CDC45: variants seen among roughly 807,000 people sequenced by gnomAD.
CDC45 encodes the protein cell division cycle 45.
Under a neutral mutation model 77.8 loss-of-function variants are expected in CDC45, and 54 were observed. That is an observed-to-expected ratio of 0.69 (90% confidence interval 0.56 to 0.87). The LOEUF (loss-of-function observed/expected upper bound fraction) is 0.87, where lower values mean the gene tolerates loss of function less well. CDC45 is among the 40% of genes least tolerant of loss of function. CDC45 has a pLI of 0.00. For missense variants in CDC45, 649 were observed against 721.6 expected, an observed-to-expected ratio of 0.90 and a Z score of 1.15; for synonymous variants, 260 against 272.1, an observed-to-expected ratio of 0.96 and a Z score of 0.44.
chr22:19,488,181 G>A (rs757066752), intron 5 of CDC45, among the ~76,000 whole-genome samples: 1 of 152,204 alleles, frequency 6.6e-6, no homozygotes, highest in Non-Finnish European at 1.5e-5. Context: ...TGTAAAATAA[G>A]GAGAATAACT....
intron 5 of CDC45, among the ~76,000 whole-genome samples, chr22:19,484,725 T>C (rs1399255622): frequency 1.3e-5 from 2 of 152,212 alleles, no homozygotes; most frequent in Non-Finnish European, 2.9e-5. Context: ...GGAAGCCTTT[T>C]TGAGCCATAT....
chr22:19,493,324 T>G (rs1196942690), intron 5 of CDC45, among the ~76,000 whole-genome samples: 1 of 152,110 alleles, frequency 6.6e-6, no homozygotes, highest in Non-Finnish European at 1.5e-5. Flanking sequence ...AACTCTGGCA[T>G]ATATGAACCA....
intron 8 of CDC45, 66 bp from the exon 9 acceptor site, chr22:19,499,035 C>T: frequency 2.6e-6 from 4 of 1,526,358 alleles, no homozygotes; most frequent in South Asian, 2.2e-5. Context: ...CATCTCACTC[C>T]ATCCCCCAGG....
chr22:19,500,622 C>T (rs1176644521), intron 9 of CDC45, among the ~76,000 whole-genome samples: 2 of 152,280 alleles, frequency 1.3e-5, no homozygotes, highest in African/African-American at 4.8e-5. Flanking sequence ...GAGGAGCTGA[C>T]TAAACCAAGA....
intron 9 of CDC45, among the ~76,000 whole-genome samples, chr22:19,499,468 C>T (rs1381872878): frequency 1.3e-5 from 2 of 151,742 alleles, no homozygotes; most frequent in Non-Finnish European, 1.5e-5. Context: ...GTGGCCCTTG[C>T]AGTAGGTGGG....
intron 17 of CDC45, among the ~76,000 whole-genome samples, chr22:19,517,971 G>A (rs1302090170): frequency 6.6e-6 from 1 of 152,230 alleles, no homozygotes; most frequent in Non-Finnish European, 1.5e-5. Flanking sequence ...GATAGACACT[G>A]TCATGGGAGA....
chr22:19,505,220 T>G, intron 9 of CDC45, 142 bp from the exon 10 acceptor site: 1 of 875,248 alleles, frequency 1.1e-6, no homozygotes, highest in Non-Finnish European at 1.8e-6. Context: ...GCAGGCTGCA[T>G]GTCCTTAGTC....
At chr22:19,517,133 C>T (rs1437703581) in intron 17 of CDC45, among the ~76,000 whole-genome samples, 10 of 152,356 alleles carry the variant, frequency 6.6e-5, no homozygotes, top group South Asian at 6.2e-4. Context: ...GGCCTTACAG[C>T]GGCCTTACAG....
At chr22:19,508,741 C>T (rs1239303059) in intron 13 of CDC45, 50 bp downstream of exon 13, 6 of 1,585,578 alleles carry the variant, frequency 3.8e-6, no homozygotes, top group African/African-American at 1.3e-5. Context: ...CTGGTTCTCA[C>T]ACTGCCCAGG....
At chr22:19,513,482 C>T (rs1038180382) in intron 13 of CDC45, among the ~76,000 whole-genome samples, 2 of 152,102 alleles carry the variant, frequency 1.3e-5, no homozygotes, top group African/African-American at 4.8e-5. Flanking sequence ...TTTTTTTCTC[C>T]TCCAAACTCC....
intron 5 of CDC45, among the ~76,000 whole-genome samples, chr22:19,490,541 AT>A (rs1252383243): frequency 1.3e-5 from 2 of 151,140 alleles, no homozygotes; most frequent in African/African-American, 4.9e-5. Context: ...CGCCCAGCTA[AT>A]TTTTTGTATT....
rs13447200 is a variant in CDC45 at position 19,482,442 on chromosome 22, A to C, written c.205-248A>C. Reference sequence around the variant, plus strand: ...CATTAGTTTCTTGAGCCTGTCCACGAGACTTGGGCTTGCTGAGTCTCAGCG... The same window carrying C: ...CATTAGTTTCTTGAGCCTGTCCACGCGACTTGGGCTTGCTGAGTCTCAGCG... On this transcript the variant is annotated intron_variant, in intron 3 of 18. Transcript: ENST00000263201. Among the ~76,000 whole-genome samples, 664 of 152,354 alleles carry C rather than the reference A, an allele frequency of 4.4e-3. 2 individuals carry two copies. The highest frequency in any genetic ancestry group is 8.7e-3 in the South Asian group (42 of 4,832).
chr22:19,499,026 A>C, intron 8 of CDC45, 75 bp from the exon 9 acceptor site: 2 of 1,486,918 alleles, frequency 1.3e-6, no homozygotes, highest in Non-Finnish European at 1.9e-6. Context: ...CCGTTCCATC[A>C]TCTCACTCCA....
chr22:19,480,181 G>T lies in CDC45; in HGVS notation c.75G>T (p.Ser25=), dbSNP rs1264513500. The part of the protein sequence containing the change: ...QSQRVLLFVA[S]DVDALCACKI... ...AGAGGGTCCTTCTCTTCGTGGCCTCGGACGTGGATGCTCTGTGTGCGTGCA... is the reference window on the plus strand; with the variant it reads ...AGAGGGTCCTTCTCTTCGTGGCCTCTGACGTGGATGCTCTGTGTGCGTGCA... Residue 25 remains serine, a synonymous_variant, in exon 2 of 19, where the codon TCG becomes TCT. Coordinates refer to ENST00000263201, the MANE Select transcript of CDC45 (RefSeq NM_003504.5). 4 of 1,613,970 alleles carry T rather than the reference G, an allele frequency of 2.5e-6. No individual in the cohort carries two copies. Among genetic ancestry groups the T allele is most frequent in the Non-Finnish European group, 3.4e-6 (4 of 1,179,956 alleles).
At chr22:19,485,091 TG>T (rs1462107949) in intron 5 of CDC45, among the ~76,000 whole-genome samples, 2 of 152,148 alleles carry the variant, frequency 1.3e-5, no homozygotes, top group Non-Finnish European at 2.9e-5. Context: ...TTCTAATCTT[TG>T]GTTTGTGAGG....
At chr22:19,500,411 T>C (rs2090319835) in intron 9 of CDC45, among the ~76,000 whole-genome samples, 1 of 152,174 alleles carries the variant, frequency 6.6e-6, no homozygotes, top group Admixed American at 6.5e-5. Flanking sequence ...TAGGTCGGCG[T>C]GCTCTCTGCC....
chr22:19,499,215 C>A, intron 9 of CDC45, 64 bp downstream of exon 9: 3 of 1,550,464 alleles, frequency 1.9e-6, no homozygotes, highest in Non-Finnish European at 2.7e-6. Context: ...CACAGCCTGA[C>A]CATAGCCACT....
At chr22:19,511,590 A>G (rs749608977) in intron 13 of CDC45, among the ~76,000 whole-genome samples, 22 of 152,260 alleles carry the variant, frequency 1.4e-4, no homozygotes, top group Non-Finnish European at 2.6e-4. Context: ...TTGGCCTCCC[A>G]AAGCACTGGG....
chr22:19,485,317 G>A (rs560962737), intron 5 of CDC45, among the ~76,000 whole-genome samples: 34 of 152,176 alleles, frequency 2.2e-4, no homozygotes, highest in Admixed American at 6.5e-4. Flanking sequence ...CCTGGGGTGC[G>A]GGTATGAGAG....
Sources: gnomAD v4.1 joint callset for allele counts (sites outside exome capture counted in the v4.1 genomes callset) on GRCh38, gnomAD v4.1.1 for gene constraint, MANE v1.5 for transcripts, NCBI Gene and HGNC (gene_info 2026-07-23, HGNC 2026-07-21) for gene names.